The following NLRP4 variants were observed in gnomAD, a reference collection of about 807,000 sequenced individuals.
The protein encoded by NLRP4 is NLR family pyrin domain containing 4.
A neutral mutation model predicts 84.7 loss-of-function variants in NLRP4; 44 were observed. The observed-to-expected ratio is 0.52, with a 90% CI of 0.41 to 0.67. The LOEUF (loss-of-function observed/expected upper bound fraction) is 0.67. Ranked by LOEUF, NLRP4 falls within the 30% of genes least tolerant of loss-of-function variation. NLRP4 has a pLI of 0.00. For synonymous variants in NLRP4, 544 were observed against 476.4 expected (o/e 1.14, Z -1.85); for missense variants, 1,260 against 1,219.4 (o/e 1.03, Z -0.50).
At chr19:55,863,805 G>A (rs1984854143) in intron 5 of NLRP4, among the ~76,000 whole-genome samples, 1 of 152,130 alleles carries the variant, frequency 6.6e-6, no homozygotes, top group African/African-American at 2.4e-5. Context: ...CTTAACCATT[G>A]TGTGTACTTT....
At position 55,861,350 on chromosome 19, in the gene NLRP4, C is replaced by T; in HGVS notation, c.1857-36C>T. ...TGTTACAAGTGGCTCGTGTTGACCG[C>T]CTGCCTGTGGAAAGCTCGTCCTTTC... On this transcript the variant is annotated intron_variant, in intron 3 of 9. Transcript: ENST00000301295. The T allele has an allele frequency of 1.9e-6, 3 of 1,601,254 alleles. No homozygotes were observed. The East Asian group carries it at 6.7e-5, about 36-fold the overall frequency.
At chr19:55,839,537 A>T (rs1251656385) in intron 1 of NLRP4, among the ~76,000 whole-genome samples, 2 of 151,406 alleles carry the variant, frequency 1.3e-5, no homozygotes, top group African/African-American at 4.9e-5. Context: ...GAAAGTTGTC[A>T]TTTTCTAAGA....
At chr19:55,860,727 C>A (rs1248580953) in intron 3 of NLRP4, among the ~76,000 whole-genome samples, 2 of 152,204 alleles carry the variant, frequency 1.3e-5, no homozygotes, top group Non-Finnish European at 2.9e-5. Context: ...TGAGCCTAGG[C>A]TGAAGATGTC....
At chr19:55,866,739 C>A (rs1657315063) in intron 5 of NLRP4, among the ~76,000 whole-genome samples, 1 of 152,204 alleles carries the variant, frequency 6.6e-6, no homozygotes, top group South Asian at 2.1e-4. Flanking sequence ...GGCGGGCACA[C>A]ATGCAAAATA....
At chr19:55,852,655 T>G (rs1984216185) in intron 2 of NLRP4, among the ~76,000 whole-genome samples, 1 of 151,984 alleles carries the variant, frequency 6.6e-6, no homozygotes, top group Non-Finnish European at 1.5e-5. Context: ...TTTTGTATTT[T>G]TAGTAGAGAT....
At chr19:55,870,403 T>C (rs1421676440) in intron 6 of NLRP4, among the ~76,000 whole-genome samples, 1 of 152,138 alleles carries the variant, frequency 6.6e-6, no homozygotes, top group Non-Finnish European at 1.5e-5. Context: ...GGCTCACGCC[T>C]TGTAATCCCA....
chr19:55,855,020 G>A (rs1984356510), intron 2 of NLRP4, among the ~76,000 whole-genome samples: 1 of 152,102 alleles, frequency 6.6e-6, no homozygotes, highest in Non-Finnish European at 1.5e-5. Flanking sequence ...CACCACACCT[G>A]GCCACCCAGT....
chr19:55,861,681 C>T, intron 4 of NLRP4, 134 bp downstream of exon 4: 1 of 786,988 alleles, frequency 1.3e-6, no homozygotes, highest in Non-Finnish European at 2.1e-6. Context: ...TCAGCACTTA[C>T]AGACATCTCA....
At chr19:55,852,392 T>C in intron 2 of NLRP4, 32 bp downstream of exon 2, 6 of 1,490,734 alleles carry the variant, frequency 4.0e-6, no homozygotes, top group Non-Finnish European at 4.6e-6. Context: ...GAAGCCTTCT[T>C]ATAATGAGGA....
rs562995639 is a variant in NLRP4 at position 55,871,112 on chromosome 19, A to T, written c.2525+115A>T. The T allele has an allele frequency of 1.5e-4, 126 of 860,078 alleles. 6 individuals carry two copies. In the South Asian group the frequency reaches 2.1e-3, roughly 15 times the overall value. The allele number at this position is 860,078 out of a possible 1,614,324, so 53.3% of individuals were successfully genotyped here. A position where few individuals can be genotyped will look rare whatever the true frequency, so the allele number is the denominator to read the frequency against. On this transcript the variant is annotated intron_variant, in intron 7 of 9. Transcript: ENST00000301295. ...GTAGTGTCTGTGCCTGGGCATGTGA[A>T]GGTTTAAAAAATACTTGCTTCAGAT...
Position 55,881,839 on chromosome 19 carries a change from TTTCTAAACA to T in NLRP4, c.*255_*263del, listed in dbSNP as rs1351653934. On this transcript the variant is annotated 3_prime_UTR_variant, in exon 10 of 10. Coordinates refer to ENST00000301295, the MANE Select transcript of NLRP4 (RefSeq NM_134444.5). ...CTTAACCCCTCAATAAAGTGTTACA[TTTCTAAACA>T]TTGGAAATTCTTTTTTTGCCTTTTT... 8.9e-4 allele frequency: 256 copies of T among 287,620 alleles called. 1 individual carries two copies. Among genetic ancestry groups the T allele is most frequent in the African/African-American group, 5.2e-3 (238 of 45,852 alleles). The allele number at this position is 287,620 out of a possible 1,614,324, so 17.8% of individuals were successfully genotyped here.
intron 7 of NLRP4, among the ~76,000 whole-genome samples, chr19:55,874,641 A>G (rs1985304937): frequency 6.6e-6 from 1 of 152,186 alleles, no homozygotes; most frequent in South Asian, 2.1e-4. Context: ...CAGGCTTAGA[A>G]GCCTTCATTG....
chr19:55,841,263 A>G (rs1040463355), intron 1 of NLRP4, among the ~76,000 whole-genome samples: 17 of 152,114 alleles, frequency 1.1e-4, no homozygotes, highest in Admixed American at 7.9e-4. Flanking sequence ...CTGTTGACCA[A>G]TCGCTCCTGG....
rs547425382 is a variant in NLRP4, at chr19:55,852,438, C to T, written c.280+78C>T. On this transcript the variant is annotated intron_variant, in intron 2 of 9. Coordinates refer to ENST00000301295, the MANE Select transcript of NLRP4 (RefSeq NM_134444.5). ...ATTTTGGTGAGTGGTCTCTGCCTGTCTACAACAGGACCTGAATGTGCTATG... is the reference window on the plus strand; with the variant it reads ...ATTTTGGTGAGTGGTCTCTGCCTGTTTACAACAGGACCTGAATGTGCTATG... 114 of 789,602 alleles carry T rather than the reference C, an allele frequency of 1.4e-4. 1 individual carries two copies. The highest frequency in any genetic ancestry group is 2.3e-4 in the Non-Finnish European group (110 of 483,616). The allele number at this position is 789,602 out of a possible 1,614,324, so 48.9% of individuals were successfully genotyped here.
intron 7 of NLRP4, among the ~76,000 whole-genome samples, chr19:55,872,447 A>G (rs1197129944): frequency 1.3e-5 from 2 of 152,220 alleles, no homozygotes; most frequent in African/African-American, 2.4e-5. Context: ...CAGCTACCAA[A>G]CTATCTAATT....
rs765478539 is a variant in NLRP4 at position 55,878,983 on chromosome 19, T to C, written c.2867+19T>C. The C allele has an allele frequency of 1.2e-6, 2 of 1,602,300 alleles. No individual in the cohort carries two copies. Among genetic ancestry groups the C allele is most frequent in the East Asian group, 4.5e-5 (2 of 44,674 alleles). On this transcript the variant is annotated intron_variant, in intron 9 of 9. Transcript: ENST00000301295. ...TGCTCGGGTGAGCTGGGGTCTGTTGTGCTCTATGGGCAGAGTGCTCCGGGC... is the reference window on the plus strand; with the variant it reads ...TGCTCGGGTGAGCTGGGGTCTGTTGCGCTCTATGGGCAGAGTGCTCCGGGC...
At position 55,866,192 on chromosome 19, in the gene NLRP4, C is replaced by T. The variant is rs572681072; in HGVS notation, c.2187-1517C>T. On this transcript the variant is annotated intron_variant, in intron 5 of 9. Coordinates refer to ENST00000301295, the MANE Select transcript of NLRP4 (RefSeq NM_134444.5). ...GGGACTACAGGTGCCCACCACCATGCCCAGCTAATTTTTGTATTTTTAGTA... is the reference window on the plus strand; with the variant it reads ...GGGACTACAGGTGCCCACCACCATGTCCAGCTAATTTTTGTATTTTTAGTA... Among the ~76,000 whole-genome samples the T allele has an allele frequency of 6.6e-5, 10 of 152,210 alleles. No individual in the cohort carries two copies. In the South Asian group the frequency reaches 1.7e-3, roughly 25 times the overall value.
intron 7 of NLRP4, among the ~76,000 whole-genome samples, chr19:55,874,193 GTAATTTTATAAGTAAATATTTGAAAC>G (rs1985287745): frequency 6.6e-6 from 1 of 152,086 alleles, no homozygotes; most frequent in African/African-American, 2.4e-5. Context: ...ATATTTGAAA[GTAATTTTATAAGTAAATATTTGAAAC>G]TAATTTTAAT....
At chr19:55,862,942 A>C (rs1469540262) in intron 5 of NLRP4, among the ~76,000 whole-genome samples, 1 of 152,248 alleles carries the variant, frequency 6.6e-6, no homozygotes, top group East Asian at 1.9e-4. Flanking sequence ...TTCAGCCTTC[A>C]TGGATTCTGG....
Sources: allele counts gnomAD v4.1 joint callset (sites outside exome capture counted in the v4.1 genomes callset), GRCh38; gene constraint gnomAD v4.1.1; transcripts MANE v1.5; gene names NCBI Gene and HGNC (gene_info 2026-07-23, HGNC 2026-07-21).